USP34: variants seen among roughly 807,000 people sequenced by gnomAD.
USP34 encodes the protein ubiquitin carboxyl-terminal hydrolase 34.
USP34 carries 70 observed loss-of-function variants against 460.3 expected under a neutral mutation model. The observed-to-expected ratio is 0.15, with a 90% confidence interval of 0.13 to 0.19. The LOEUF is 0.19. Ranked by LOEUF, USP34 falls within the 10% of genes least tolerant of loss-of-function variation. USP34 has a pLI of 1.00. For missense variants in USP34, 3,985 were observed against 4,236.2 expected, an observed-to-expected ratio of 0.94 and a Z score of 1.65; for synonymous variants, 1,647 against 1,405.3, an observed-to-expected ratio of 1.17 and a Z score of -3.85.
intron 75 of USP34, among the ~76,000 whole-genome samples, chr2:61,199,242 A>G (rs1572828816): frequency 6.7e-6 from 1 of 150,104 alleles, no homozygotes; most frequent in Non-Finnish European, 1.5e-5. Context: ...TATTTCAATG[A>G]TTTTTTTCAC....
intron 49 of USP34, among the ~76,000 whole-genome samples, chr2:61,248,234 T>C (rs1688475768): frequency 6.7e-6 from 1 of 148,182 alleles, no homozygotes; most frequent in South Asian, 2.1e-4. Context: ...ATAAAAAGAC[T>C]TACCCCACGA....
chr2:61,339,319 A>G, intron 18 of USP34, 32 bp downstream of exon 18: 1 of 1,593,044 alleles, frequency 6.3e-7, no homozygotes, highest in South Asian at 1.2e-5. Context: ...TACTTTGACT[A>G]CTGCATTAAA....
intron 20 of USP34, 86 bp from the exon 21 acceptor site, chr2:61,325,543 C>A: frequency 1.4e-6 from 1 of 709,566 alleles, no homozygotes; most frequent in Non-Finnish European, 2.1e-6. Context: ...ATAACTTATA[C>A]CAAAAATTGT....
Position 61,401,233 on chromosome 2 carries a change from A to G in USP34, c.552+4475T>C, listed in dbSNP as rs190434403. Among the ~76,000 whole-genome samples, 412 of 151,878 alleles carry G rather than the reference A, an allele frequency of 2.7e-3. 1 individual carries two copies. Among genetic ancestry groups the G allele is most frequent in the African/African-American group, 9.2e-3 (383 of 41,482 alleles). On this transcript the variant is annotated intron_variant, in intron 3 of 79. Transcript: ENST00000398571. ...TGATTATACCATACGTATATTTAAC[A>G]TAAATGCAGTGGTTTCTCTCCTTTC...
intron 6 of USP34, among the ~76,000 whole-genome samples, chr2:61,381,657 A>G (rs1692979275): frequency 6.6e-6 from 1 of 152,072 alleles, no homozygotes; most frequent in Non-Finnish European, 1.5e-5. Flanking sequence ...GTAAGCCACT[A>G]AGTTTTGAGG....
chr2:61,437,137 A>G (rs1332050962), intron 1 of USP34, among the ~76,000 whole-genome samples: 3 of 152,208 alleles, frequency 2.0e-5, no homozygotes, highest in African/African-American at 4.8e-5. Flanking sequence ...CAAGGAACCA[A>G]AAAGAACAAA....
intron 67 of USP34, among the ~76,000 whole-genome samples, chr2:61,217,729 T>A (rs958510029): frequency 7.9e-5 from 12 of 151,952 alleles, no homozygotes; most frequent in Admixed American, 3.9e-4. Flanking sequence ...CCGAGGTGGG[T>A]GGATCACGAG....
At chr2:61,292,735 T>C (rs1689898436) in intron 33 of USP34, among the ~76,000 whole-genome samples, 1 of 152,184 alleles carries the variant, frequency 6.6e-6, no homozygotes, top group African/African-American at 2.4e-5. Flanking sequence ...CTAAACTGCT[T>C]TGATGGAAGA....
intron 7 of USP34, among the ~76,000 whole-genome samples, chr2:61,378,818 T>C (rs1692874395): frequency 2.1e-5 from 3 of 140,262 alleles, no homozygotes; most frequent in Admixed American, 1.6e-4. Context: ...GGCACGAAAA[T>C]CACTTGAACC....
chr2:61,258,967 C>T (rs1688796510), intron 44 of USP34, among the ~76,000 whole-genome samples: 1 of 152,014 alleles, frequency 6.6e-6, no homozygotes, highest in Non-Finnish European at 1.5e-5. Flanking sequence ...ACAGAGATAA[C>T]TGACAGACAG....
At chr2:61,300,843 AAATT>A (rs1245817754) in intron 29 of USP34, 104 bp downstream of exon 29, 2 of 731,342 alleles carry the variant, frequency 2.7e-6, no homozygotes, top group Non-Finnish European at 2.0e-6. Context: ...AAAGGAGAGA[AAATT>A]ATTATATACT....
intron 1 of USP34, among the ~76,000 whole-genome samples, chr2:61,432,577 T>TA: frequency 6.6e-6 from 1 of 151,184 alleles, no homozygotes; most frequent in South Asian, 2.1e-4. Context: ...TCAAGAGTTC[T>TA]AGGCCAGCCT....
chr2:61,368,101 G>T (rs576976749), intron 10 of USP34, among the ~76,000 whole-genome samples: 4 of 152,286 alleles, frequency 2.6e-5, no homozygotes, highest in Non-Finnish European at 5.9e-5. Context: ...GAACTCTGCT[G>T]TTGTGCTGTG....
At chr2:61,235,328 CTTTTTTT>C (rs10537200) in intron 57 of USP34, among the ~76,000 whole-genome samples, 55 of 123,398 alleles carry the variant, frequency 4.5e-4, no homozygotes, top group African/African-American at 1.6e-3. Context: ...ATTTTTTTTT[CTTTTTTT>C]TTTTTTTTTG....
At chr2:61,211,717 G>T (rs1347572474) in intron 69 of USP34, 55 bp downstream of exon 69, 2 of 1,463,542 alleles carry the variant, frequency 1.4e-6, no homozygotes, top group Non-Finnish European at 1.8e-6. Context: ...ACATCAAAAG[G>T]ATGGTCCTCA....
chr2:61,401,586 T>TCTGC (rs751598532), intron 3 of USP34, among the ~76,000 whole-genome samples: 20 of 124,616 alleles, frequency 1.6e-4, no homozygotes, highest in Non-Finnish European at 3.0e-4. Flanking sequence ...TCTCACTCTG[T>TCTGC]CACCTAGGGT....
intron 10 of USP34, among the ~76,000 whole-genome samples, chr2:61,362,184 G>C (rs1692295905): frequency 6.6e-6 from 1 of 152,114 alleles, no homozygotes; most frequent in Non-Finnish European, 1.5e-5. Context: ...GTGGAGAAAT[G>C]GGAATCCTTA....
chr2:61,371,535 A>G (rs1692626404), intron 8 of USP34, among the ~76,000 whole-genome samples: 1 of 152,138 alleles, frequency 6.6e-6, no homozygotes, highest in Non-Finnish European at 1.5e-5. Flanking sequence ...TTGTGTTTTA[A>G]ATGTTATTAT....
At chr2:61,313,611 ATTTTATTTTT>A (rs1690659999) in intron 25 of USP34, among the ~76,000 whole-genome samples, 1 of 152,108 alleles carries the variant, frequency 6.6e-6, no homozygotes. Context: ...TCTTTTTAAA[ATTTTATTTTT>A]TTAAGTGGTT....
Sources: gnomAD v4.1 joint callset for allele counts (sites outside exome capture counted in the v4.1 genomes callset) on GRCh38, gnomAD v4.1.1 for gene constraint, MANE v1.5 for transcripts, NCBI Gene and HGNC (gene_info 2026-07-23, HGNC 2026-07-21) for gene names.